CYP17A1: variants seen among roughly 807,000 people sequenced by gnomAD.
CYP17A1 encodes the protein cytochrome P450 family 17 subfamily A member 1.
CYP17A1 carries 27 observed loss-of-function variants against 38.5 expected under a neutral mutation model. That is an observed-to-expected ratio of 0.70 (90% confidence interval 0.52 to 0.97). CYP17A1 has a LOEUF of 0.97. Ranked by LOEUF, CYP17A1 falls within the 50% of genes least tolerant of loss-of-function variation. The probability of loss-of-function intolerance (pLI) is 0.00; values close to 1 mark genes in which losing one functional copy is unlikely to be tolerated. For synonymous variants in CYP17A1, 263 were observed against 253.3 expected (o/e 1.04, Z -0.36); for missense variants, 549 against 645.9 (o/e 0.85, Z 1.63).
rs766331452 is a variant in CYP17A1 at position 102,833,092 on chromosome 10, GT to G, written c.869del (p.Asn290ThrfsTer7). 1.5e-5 allele frequency: 24 copies of G among 1,614,066 alleles called. No homozygotes were observed. Among genetic ancestry groups the G allele is most frequent in the Non-Finnish European group, 1.8e-5 (21 of 1,180,044 alleles). On this transcript the variant is annotated frameshift_variant, in exon 5 of 8. Coordinates refer to ENST00000369887, the MANE Select transcript of CYP17A1 (RefSeq NM_000102.4). LOFTEE classifies it high-confidence loss of function. The stretch of plus-strand genomic sequence containing the variant: ...TGTCCCCTATGGTGGTGAGAATGTG[GT>G]TATCTGAAAGCAGCTCTGAGTCTTG... ...PDQDSELLSDNHILTTIGDIF... is the reference protein window; with the variant it reads ...PDQDSELLSDXHILTTIGDIF...
intron 4 of CYP17A1, 115 bp downstream of exon 4, chr10:102,833,921 A>C (rs1029384876): frequency 2.8e-6 from 2 of 707,228 alleles, no homozygotes; most frequent in African/African-American, 3.5e-5. Context: ...TACACCTACT[A>C]TGTGCCAGGT....
chr10:102,833,617 C>T lies in CYP17A1; in HGVS notation c.754-409G>A, dbSNP rs554347305. ...GATTATAGGCATGCGCCACCGTGCCCGGCTAATTTTGTATTTTTAGTAGAG... is the reference window on the plus strand; with the variant it reads ...GATTATAGGCATGCGCCACCGTGCCTGGCTAATTTTGTATTTTTAGTAGAG... On this transcript the variant is annotated intron_variant, in intron 4 of 7. Coordinates refer to ENST00000369887, the MANE Select transcript of CYP17A1 (RefSeq NM_000102.4). 11 of 280,540 alleles carry T rather than the reference C, an allele frequency of 3.9e-5. No homozygotes were observed. In the East Asian group the frequency reaches 4.8e-4, roughly 12 times the overall value. 17.4% of individuals were successfully genotyped at this position (280,540 alleles called of 1,614,324 possible). A position where few individuals can be genotyped will look rare whatever the true frequency, so the allele number is the denominator to read the frequency against.
Position 102,830,680 on chromosome 10 carries a change from C to T in CYP17A1, c.*22G>A, listed in dbSNP as rs779649316. 4 of 1,441,082 alleles carry T rather than the reference C, an allele frequency of 2.8e-6. No homozygotes were observed. The highest frequency in any genetic ancestry group is 3.9e-6 in the Non-Finnish European group (4 of 1,029,420). The allele number at this position is 1,441,082 out of a possible 1,614,324, so 89.3% of individuals were successfully genotyped here. ...GTGTTGTGGGGCCACATAGGGTGGA[C>T]AGGGGCTGTGAGTTACAGCCTTTAG... On this transcript the variant is annotated 3_prime_UTR_variant, in exon 8 of 8. Coordinates refer to ENST00000369887, the MANE Select transcript of CYP17A1 (RefSeq NM_000102.4). The surrounding 1 kb of genome is among the most constrained non-coding windows in gnomAD (Gnocchi z 4.1).
intron 3 of CYP17A1, 183 bp downstream of exon 3, chr10:102,834,602 A>T (rs1844135295): frequency 1.3e-6 from 1 of 767,718 alleles, no homozygotes; most frequent in East Asian, 2.7e-5. Context: ...CATAATTAAA[A>T]GGCTAAATCT....
intron 1 of CYP17A1, chr10:102,835,720 A>C (rs61754270): frequency 2.1e-4 from 84 of 393,916 alleles, no homozygotes; most frequent in African/African-American, 1.6e-3. Flanking sequence ...TGACCACAGG[A>C]AGGCAACTCT....
intron 1 of CYP17A1, among the ~76,000 whole-genome samples, chr10:102,836,037 C>T (rs1372306637): frequency 1.3e-5 from 2 of 152,152 alleles, no homozygotes; most frequent in African/African-American, 4.8e-5. Context: ...CCTGAAGATC[C>T]ACATGACTAG....
In CYP17A1 at chr10:102,837,260, C is replaced by A. The variant is rs752346898; in HGVS notation, c.102G>T (p.Leu34=). 19 of 1,604,086 alleles carry A rather than the reference C, an allele frequency of 1.2e-5. No individual in the cohort carries two copies. The highest frequency in any genetic ancestry group is 1.5e-5 in the Non-Finnish European group (17 of 1,170,806). ...GAKYPKSLLS[L]PLVGSLPFLP... is the part of the protein sequence containing the mutation. ...GGAATGGCAGGCTGCCCACCAGGGG[C>A]AGGGACAGGAGGCTCTTGGGGTACT... The change falls in exon 1 of 8, where the codon CTG becomes CTT. Residue 34 remains leucine, a synonymous_variant. Coordinates refer to ENST00000369887, the MANE Select transcript of CYP17A1 (RefSeq NM_000102.4).
chr10:102,831,385 T>A (rs1590202573), intron 7 of CYP17A1, 123 bp downstream of exon 7: 1 of 1,485,108 alleles, frequency 6.7e-7, no homozygotes, highest in Non-Finnish European at 9.1e-7. Flanking sequence ...TGTCAACAGG[T>A]CCGTATAGTT....
At position 102,837,058 on chromosome 10, in the gene CYP17A1, C is replaced by T. The variant is rs752831246; in HGVS notation, c.297+7G>A. ...AAGGGGGCAGGGAGGAGATGGGCAC[C>T]ACTTACCATTTGAGGCCGCCCAGAG... On this transcript the variant is annotated splice_region_variant and intron_variant, in intron 1 of 7. Transcript: ENST00000369887. 1 of 1,559,464 alleles carries T rather than the reference C, an allele frequency of 6.4e-7. No individual in the cohort carries two copies. The highest frequency in any genetic ancestry group is 8.8e-7 in the Non-Finnish European group (1 of 1,131,142).
chr10:102,837,076 G>T lies in CYP17A1; in HGVS notation c.286C>A (p.Arg96=), dbSNP rs104894138. ...TGGGCACCACTTACCATTTGAGGCC[G>T]CCCAGAGAAGTCCTTGCCCTTCTTA... The part of the protein sequence containing the change: ...LIKKGKDFSG[R]PQMATLDIAS... The change falls in exon 1 of 8, where the codon CGG becomes AGG. Residue 96 remains arginine (R), a synonymous_variant. Transcript: ENST00000369887. The T allele has an allele frequency of 1.9e-6, 3 of 1,596,882 alleles. No homozygotes were observed. The highest frequency in any genetic ancestry group is 1.3e-5 in the African/African-American group (1 of 74,572).
At chr10:102,834,367 A>G in intron 3 of CYP17A1, 1 of 566,566 alleles carries the variant, frequency 1.8e-6, no homozygotes. Flanking sequence ...ATCAAACATC[A>G]AGCGCTGACT....
In CYP17A1 at chr10:102,830,919, G is replaced by A; in HGVS notation, c.1310C>T (p.Ala437Val). ...CTCACCTATACAGGAGCGAGGTCCT[G>A]CTCCGAAGGGCAAATAGCTTACTGA... ...SPSVSYLPFG[A>V]GPRSCIGEIL... The change falls in exon 8 of 8, where the codon GCA becomes GTA. Residue 437 changes from alanine to valine, a missense_variant. Ala to Val is a moderately conservative substitution (Grantham distance 64, BLOSUM62 0). Around this residue, in one of 3 missense-constraint regions of CYP17A1, gnomAD observed 257 missense variants for 307.9 expected, o/e 0.83. Coordinates refer to ENST00000369887, the MANE Select transcript of CYP17A1 (RefSeq NM_000102.4). This position sits in a 1 kb window ranked among gnomAD's most constrained non-coding sequence, Gnocchi z 4.1. The A allele has an allele frequency of 6.4e-7, 1 of 1,572,608 alleles. No individual in the cohort carries two copies. The highest frequency in any genetic ancestry group is 8.7e-7 in the Non-Finnish European group (1 of 1,154,356).
Position 102,830,986 on chromosome 10 carries a change from C to T in CYP17A1, c.1244-1G>A, listed in dbSNP as rs908660542. The T allele has an allele frequency of 6.4e-7, 1 of 1,568,016 alleles. No homozygotes were observed. Among genetic ancestry groups the T allele is most frequent in the Non-Finnish European group, 8.7e-7 (1 of 1,153,298 alleles). On this transcript the variant is annotated splice_acceptor_variant, in intron 7 of 7. Transcript: ENST00000369887. LOFTEE classifies it high-confidence loss of function. The surrounding 1 kb of genome is among the most constrained non-coding windows in gnomAD (Gnocchi z 4.1). ...GTCCCCGCTGGATTCAAGAAACGCT[C>T]TGCAGGCAAGGAGTGGCATCAGCCA...
intron 4 of CYP17A1, 26 bp from the exon 5 acceptor site, chr10:102,833,234 T>A: frequency 6.2e-7 from 1 of 1,613,892 alleles, no homozygotes; most frequent in Non-Finnish European, 8.5e-7. Flanking sequence ...TTGGGAGACA[T>A]TAATAAGGAA....
In CYP17A1 at chr10:102,830,834, C is replaced by T. The variant is rs1844077499; in HGVS notation, c.1395G>A (p.Leu465=). 4 of 1,597,744 alleles carry T rather than the reference C, an allele frequency of 2.5e-6. No individual in the cohort carries two copies. The highest frequency in any genetic ancestry group is 2.3e-5 in the East Asian group (1 of 44,310). The stretch of plus-strand genomic sequence containing the variant: ...GCAGCTGCCCATCATCTGGCACCTC[C>T]AGGTCGAACCTCTGCAGCAGCCAGG... ...IMAWLLQRFD[L]EVPDDGQLPS... is the part of the protein sequence containing the mutation. The change falls in exon 8 of 8, where the codon CTG becomes CTA. Residue 465 remains leucine, a synonymous_variant. Coordinates refer to ENST00000369887, the MANE Select transcript of CYP17A1 (RefSeq NM_000102.4). The surrounding 1 kb of genome is among the most constrained non-coding windows in gnomAD (Gnocchi z 4.1).
intron 1 of CYP17A1, chr10:102,836,857 T>G: frequency 1.7e-6 from 1 of 604,998 alleles, no homozygotes; most frequent in Admixed American, 2.5e-5. Context: ...GGCAGCCTGG[T>G]AGAGGAGACA....
At position 102,831,613 on chromosome 10, in the gene CYP17A1, T is replaced by C. The variant is rs1474741527; in HGVS notation, c.1140-2A>G. On this transcript the variant is annotated splice_acceptor_variant, in intron 6 of 7. Transcript: ENST00000369887. LOFTEE classifies it high-confidence loss of function. Reference sequence around the variant, plus strand: ...TTGTCCACAGCAAACTCACCGATGCTGCTCCAGAGTGGAAGAGGAAAAGTG... The same window carrying C: ...TTGTCCACAGCAAACTCACCGATGCCGCTCCAGAGTGGAAGAGGAAAAGTG... 1 of 1,613,612 alleles carries C rather than the reference T, an allele frequency of 6.2e-7. No homozygotes were observed. Among genetic ancestry groups the C allele is most frequent in the African/African-American group, 1.3e-5 (1 of 75,056 alleles).
intron 1 of CYP17A1, among the ~76,000 whole-genome samples, chr10:102,836,009 C>T (rs189671786): frequency 7.9e-5 from 12 of 152,328 alleles, no homozygotes; most frequent in African/African-American, 1.2e-4. Flanking sequence ...CCAAAGCCTC[C>T]CTTTTCCATT....
intron 2 of CYP17A1, 38 bp downstream of exon 2, chr10:102,835,216 G>A (rs1341672924): frequency 6.3e-7 from 1 of 1,586,106 alleles, no homozygotes; most frequent in Non-Finnish European, 8.7e-7. Context: ...GCTCCTGTGG[G>A]ATCCAGCCCC....
Sources: allele counts gnomAD v4.1 joint callset (sites outside exome capture counted in the v4.1 genomes callset), GRCh38; gene constraint gnomAD v4.1.1; regional missense constraint gnomAD v4.1.1; non-coding constraint Gnocchi (gnomAD v3.1); transcripts MANE v1.5; gene names NCBI Gene and HGNC (gene_info 2026-07-23, HGNC 2026-07-21).